The following ZNF536 variants were observed in gnomAD, a reference collection of about 807,000 sequenced individuals.
The protein encoded by ZNF536 is zinc finger protein 536.
ZNF536 carries 13 observed loss-of-function variants against 84.5 expected under a neutral mutation model. The observed-to-expected ratio is 0.15, with a 90% confidence interval of 0.10 to 0.24. The LOEUF (loss-of-function observed/expected upper bound fraction) is 0.24, where lower values mean the gene tolerates loss of function less well. Among genes scored for constraint, ZNF536 ranks in the 10% least tolerant of loss-of-function variants. The probability of loss-of-function intolerance (pLI) is 1.00; values close to 1 mark genes in which losing one functional copy is unlikely to be tolerated. For missense variants in ZNF536, 1,536 were observed against 1,747.5 expected (o/e 0.88, Z 2.16); for synonymous variants, 811 against 742.5 (o/e 1.09, Z -1.50).
intron 2 of ZNF536, among the ~76,000 whole-genome samples, chr19:30,491,873 C>T (rs1004863882): frequency 4.0e-5 from 6 of 151,572 alleles, no homozygotes; most frequent in Admixed American, 1.3e-4. Context: ...ATATACAAGA[C>T]GTTACTCCTG....
chr19:30,654,741 C>T (rs967521834), intron 1 of ZNF536, among the ~76,000 whole-genome samples: 17 of 152,050 alleles, frequency 1.1e-4, no homozygotes, highest in Non-Finnish European at 2.9e-5. Context: ...AACCCAGTGC[C>T]CTGGAAGGCT....
At chr19:30,336,077 CAAGG>C in intron 2 of ZNF536, among the ~76,000 whole-genome samples, 1 of 152,342 alleles carries the variant, frequency 6.6e-6, no homozygotes, top group East Asian at 1.9e-4. Context: ...TACAGGTAAA[CAAGG>C]GAGGAGGTGA....
At chr19:30,516,982 T>C (rs1487950814) in intron 2 of ZNF536, among the ~76,000 whole-genome samples, 1 of 152,150 alleles carries the variant, frequency 6.6e-6, no homozygotes, top group Non-Finnish European at 1.5e-5. Flanking sequence ...ACTGTCCCCT[T>C]GGCTCAGGCC....
intron 1 of ZNF536, among the ~76,000 whole-genome samples, chr19:30,427,709 G>A (rs183825302): frequency 1.5e-4 from 23 of 152,268 alleles, no homozygotes; most frequent in Admixed American, 7.2e-4. Flanking sequence ...AGAATGCCCA[G>A]CATCCTAGCC....
intron 1 of ZNF536, among the ~76,000 whole-genome samples, chr19:30,605,153 A>C (rs1599958414): frequency 6.6e-6 from 1 of 152,284 alleles, no homozygotes; most frequent in East Asian, 1.9e-4. Flanking sequence ...GTAATAGTGG[A>C]TGGTGCGAAA....
chr19:30,233,708 A>G (rs888385498), intron 1 of ZNF536, among the ~76,000 whole-genome samples: 2 of 152,038 alleles, frequency 1.3e-5, no homozygotes, highest in African/African-American at 4.8e-5. Flanking sequence ...CACCTTCCTT[A>G]TGATGCAGGT....
In ZNF536 at chr19:30,616,860, C is replaced by T. The variant is rs993962228; in HGVS notation, c.169+67346C>T. 3.9e-5 allele frequency among the ~76,000 whole-genome samples: 6 copies of T among 152,102 alleles called. No individual in the cohort carries two copies. In the East Asian group the frequency reaches 1.2e-3, roughly 29 times the overall value. ...TCCTTGCCCTGTTTAAATTTTTTCT[C>T]TCTCCTCTGTGGTCAATTTCGGTAA... is the stretch of plus-strand genomic sequence containing the variant. On this transcript the variant is annotated intron_variant, in intron 1 of 1. Coordinates refer to the ZNF536 transcript ENST00000592773.
upstream of ZNF536, among the ~76,000 whole-genome samples, chr19:30,371,940 C>T (rs1187525341): frequency 2.0e-5 from 3 of 151,858 alleles, no homozygotes; most frequent in Admixed American, 6.6e-5. Context: ...AACTAGAATC[C>T]GCTGCTTGTT....
At chr19:30,517,940 G>T (rs543027132) in intron 2 of ZNF536, among the ~76,000 whole-genome samples, 4 of 152,248 alleles carry the variant, frequency 2.6e-5, no homozygotes, top group African/African-American at 9.6e-5. Flanking sequence ...AAGGACTTGG[G>T]CGAGGTCATT....
intron 2 of ZNF536, among the ~76,000 whole-genome samples, chr19:30,308,614 G>A (rs951247402): frequency 1.3e-5 from 2 of 152,132 alleles, no homozygotes; most frequent in East Asian, 3.9e-4. Context: ...ATGGGTTCCT[G>A]TAGCCCATAG....
chr19:30,608,326 T>C (rs930726886), intron 1 of ZNF536, among the ~76,000 whole-genome samples: 12 of 152,186 alleles, frequency 7.9e-5, no homozygotes, highest in Non-Finnish European at 1.6e-4. Flanking sequence ...AGTATTTACC[T>C]AGGGTCATTT....
chr19:30,572,473 C>T (rs1380165997), intron 1 of ZNF536, among the ~76,000 whole-genome samples: 1 of 152,204 alleles, frequency 6.6e-6, no homozygotes, highest in Admixed American at 6.5e-5. Context: ...CACTCCCTAA[C>T]CTCACCTGCC....
intron 2 of ZNF536, among the ~76,000 whole-genome samples, chr19:30,463,184 T>C (rs2053234054): frequency 6.6e-6 from 1 of 152,140 alleles, no homozygotes; most frequent in Non-Finnish European, 1.5e-5. Flanking sequence ...TGGCTTATTA[T>C]TACATAGGGT....
intron 1 of ZNF536, among the ~76,000 whole-genome samples, chr19:30,282,289 A>G (rs2045474944): frequency 6.6e-6 from 1 of 152,250 alleles, no homozygotes; most frequent in African/African-American, 2.4e-5. Context: ...ACACCCTTGC[A>G]TAAGCCCACT....
chr19:30,353,264 A>G (rs951082767), intron 3 of ZNF536, among the ~76,000 whole-genome samples: 3 of 152,208 alleles, frequency 2.0e-5, no homozygotes, highest in Non-Finnish European at 2.9e-5. Context: ...TTGAGAAGCA[A>G]GGGTCTGGGG....
At chr19:30,683,015 A>T (rs2051036795) in intron 1 of ZNF536, among the ~76,000 whole-genome samples, 1 of 152,228 alleles carries the variant, frequency 6.6e-6, no homozygotes, top group Non-Finnish European at 1.5e-5. Flanking sequence ...GGCTTAGCTG[A>T]AATGTGCCAA....
At chr19:30,452,500 A>G (rs776075076) in intron 2 of ZNF536, among the ~76,000 whole-genome samples, 7 of 152,200 alleles carry the variant, frequency 4.6e-5, no homozygotes, top group Non-Finnish European at 7.3e-5. Context: ...GGCTTCAACA[A>G]GGCCTGTTAT....
intron 2 of ZNF536, among the ~76,000 whole-genome samples, chr19:30,528,984 A>G (rs915276802): frequency 6.7e-6 from 1 of 150,354 alleles, no homozygotes; most frequent in African/African-American, 2.4e-5. Flanking sequence ...CTCTTTCAGC[A>G]TGGCGGGACC....
intron 3 of ZNF536, among the ~76,000 whole-genome samples, chr19:30,356,952 G>A (rs529088275): frequency 3.9e-5 from 6 of 152,266 alleles, no homozygotes; most frequent in South Asian, 4.2e-4. Context: ...CTGGTGGTTC[G>A]AGCATGGTTC....
Sources: gnomAD v4.1 joint callset for allele counts (sites outside exome capture counted in the v4.1 genomes callset) on GRCh38, gnomAD v4.1.1 for gene constraint, MANE v1.5 for transcripts, NCBI Gene and HGNC (gene_info 2026-07-23, HGNC 2026-07-21) for gene names.